CTSS: variants seen among roughly 807,000 people sequenced by gnomAD.
CTSS encodes cathepsin S.
Under a neutral mutation model 39.9 loss-of-function variants are expected in CTSS, and 15 were observed. That is an observed-to-expected ratio of 0.38 (90% confidence interval 0.25 to 0.58). CTSS has a LOEUF of 0.58. CTSS is among the 20% of genes least tolerant of loss of function. The pLI, the probability that CTSS is intolerant of heterozygous loss-of-function variation, is 0.70. For missense variants in CTSS, 250 were observed against 398.2 expected (o/e 0.63, Z 3.17); for synonymous variants, 126 against 138.2 (o/e 0.91, Z 0.62).
intron 7 of CTSS, among the ~76,000 whole-genome samples, chr1:150,741,596 G>A (rs587735950): frequency 6.6e-6 from 1 of 152,336 alleles, no homozygotes; most frequent in South Asian, 2.1e-4. Context: ...GACACTGGCT[G>A]TGCGCAGTGG....
chr1:150,756,712 T>TTTC (rs1653136701), intron 3 of CTSS, among the ~76,000 whole-genome samples: 2 of 146,220 alleles, frequency 1.4e-5, no homozygotes, highest in Non-Finnish European at 3.1e-5. Flanking sequence ...TTCTTTCTTT[T>TTTC]TTTTTTTTTT....
chr1:150,759,414 C>A (rs927627319), intron 2 of CTSS, among the ~76,000 whole-genome samples: 1 of 151,988 alleles, frequency 6.6e-6, no homozygotes, highest in South Asian at 2.1e-4. Context: ...CTCTTACTTG[C>A]GTTTTCATAT....
At chr1:150,734,085 A>G (rs1652580615) in intron 7 of CTSS, among the ~76,000 whole-genome samples, 2 of 151,354 alleles carry the variant, frequency 1.3e-5, no homozygotes, top group African/African-American at 4.9e-5. Flanking sequence ...CTGGAGTGCA[A>G]TGGTGCAATC....
chr1:150,736,406 A>G (rs1652638013), intron 7 of CTSS, among the ~76,000 whole-genome samples: 1 of 152,176 alleles, frequency 6.6e-6, no homozygotes, highest in African/African-American at 2.4e-5. Context: ...ACTTTTATCT[A>G]TGCCTATCCC....
chr1:150,737,132 C>A (rs1652652952), intron 7 of CTSS, among the ~76,000 whole-genome samples: 1 of 151,276 alleles, frequency 6.6e-6, no homozygotes, highest in African/African-American at 2.4e-5. Context: ...GACGGAGTTT[C>A]ACTCTTGTTG....
intron 4 of CTSS, among the ~76,000 whole-genome samples, chr1:150,754,708 G>A (rs144736160): frequency 6.4e-4 from 98 of 152,284 alleles, no homozygotes; most frequent in African/African-American, 2.2e-3. Context: ...TATTATAGGC[G>A]TGAGTGCCTG....
intron 7 of CTSS, among the ~76,000 whole-genome samples, chr1:150,733,807 AT>A (rs1183521546): frequency 2.0e-5 from 3 of 151,130 alleles, no homozygotes; most frequent in South Asian, 2.1e-4. Flanking sequence ...TACAAAAAAA[AT>A]TTTTTTTTAA....
chr1:150,750,298 C>G (rs1036378603), intron 5 of CTSS, 127 bp from the exon 6 acceptor site: 1 of 643,784 alleles, frequency 1.6e-6, no homozygotes, highest in Non-Finnish European at 2.5e-6. Context: ...AAGGCTCCTT[C>G]CTTTGCAAAT....
At chr1:150,752,132 C>T in intron 4 of CTSS, 124 bp from the exon 5 acceptor site, 1 of 903,720 alleles carries the variant, frequency 1.1e-6, no homozygotes, top group Non-Finnish European at 1.7e-6. Context: ...AGAGCTCCCC[C>T]ACTACAGTTT....
In CTSS at chr1:150,754,989, G is replaced by A; in HGVS notation, c.399+12C>T. 1 of 1,611,548 alleles carries A rather than the reference G, an allele frequency of 6.2e-7. No individual in the cohort carries two copies. The highest frequency in any genetic ancestry group is 8.5e-7 in the Non-Finnish European group (1 of 1,178,332). ...TACCTAGGGTTCAGAGGCTTGGGAT[G>A]GTAATACTCACTTGATATTTCACTT... On this transcript the variant is annotated intron_variant, in intron 4 of 7. Transcript: ENST00000368985.
intron 6 of CTSS, among the ~76,000 whole-genome samples, chr1:150,749,093 G>A (rs1471363008): frequency 6.6e-6 from 1 of 152,092 alleles, no homozygotes; most frequent in Non-Finnish European, 1.5e-5. Context: ...CAATGATATT[G>A]AAATTATGCC....
chr1:150,758,628 C>A (rs1253303460), intron 2 of CTSS, among the ~76,000 whole-genome samples: 4 of 151,606 alleles, frequency 2.6e-5, no homozygotes, highest in African/African-American at 7.3e-5. Flanking sequence ...ATAGCCTTGA[C>A]CTCCTGGGAC....
intron 2 of CTSS, among the ~76,000 whole-genome samples, chr1:150,762,364 C>T (rs1653284528): frequency 6.6e-6 from 1 of 152,084 alleles, no homozygotes; most frequent in African/African-American, 2.4e-5. Context: ...AACATTGGTC[C>T]GGGCAACGGT....
intron 7 of CTSS, among the ~76,000 whole-genome samples, chr1:150,744,678 A>T (rs1409728929): frequency 7.0e-6 from 1 of 143,368 alleles, no homozygotes; most frequent in East Asian, 2.0e-4. Context: ...ATGTATGCAT[A>T]CATAATATGT....
chr1:150,747,732 C>G, intron 7 of CTSS, 45 bp downstream of exon 7: 1 of 1,329,888 alleles, frequency 7.5e-7, no homozygotes, highest in Non-Finnish European at 1.1e-6. Flanking sequence ...CTGAAACTCC[C>G]TCAAATTCCT....
At position 150,737,382 on chromosome 1, in the gene CTSS, G is replaced by A. The variant is rs138847924; in HGVS notation, c.897-4237C>T. Among the ~76,000 whole-genome samples, 15 of 152,254 alleles carry A rather than the reference G, an allele frequency of 9.9e-5. No individual in the cohort carries two copies. In the South Asian group the frequency reaches 2.1e-3, roughly 21 times the overall value. On this transcript the variant is annotated intron_variant, in intron 7 of 7. Transcript: ENST00000368985. The stretch of plus-strand genomic sequence containing the variant: ...CTCCCAAAGTGCTGGGATTACAGGC[G>A]TGAGCCACTGAGCCGGGCTGAGTCC...
At chr1:150,742,144 C>G (rs1311593620) in intron 7 of CTSS, among the ~76,000 whole-genome samples, 1 of 151,892 alleles carries the variant, frequency 6.6e-6, no homozygotes, top group Non-Finnish European at 1.5e-5. Context: ...GTAGTCCCAT[C>G]TACTCGGGAG....
intron 4 of CTSS, 110 bp from the exon 5 acceptor site, chr1:150,752,118 A>G: frequency 9.6e-7 from 1 of 1,042,992 alleles, no homozygotes; most frequent in South Asian, 1.6e-5. Context: ...CCTAGTTCCC[A>G]GAAAGAGCTC....
chr1:150,734,453 CA>C (rs1285414334), intron 7 of CTSS, among the ~76,000 whole-genome samples: 2 of 151,880 alleles, frequency 1.3e-5, no homozygotes, highest in East Asian at 1.9e-4. Flanking sequence ...CCAGCCTGAT[CA>C]ACATGGTGAA....
Sources: gnomAD v4.1 joint callset for allele counts (sites outside exome capture counted in the v4.1 genomes callset) on GRCh38, gnomAD v4.1.1 for gene constraint, MANE v1.5 for transcripts, NCBI Gene and HGNC (gene_info 2026-07-23, HGNC 2026-07-21) for gene names.